The following KRTAP5-6 variants were observed in gnomAD, a reference collection of about 807,000 sequenced individuals.
The protein encoded by KRTAP5-6 is keratin-associated protein 5-6.
For synonymous variants in KRTAP5-6, 57 were observed against 61.7 expected (o/e 0.92, Z 0.36); for missense variants, 175 against 157.6 (o/e 1.11, Z -0.59).
At position 1,697,206 on chromosome 11, in the gene KRTAP5-6, C is replaced by A. The variant is rs1850697696; in HGVS notation, c.-40C>A. ...TCCATACCTGCACACCTCCCTCTCA[C>A]CTGCTCCTCTACCTGCTCCACCCTC... On this transcript the variant is annotated 5_prime_UTR_variant, in exon 1 of 1. Coordinates refer to ENST00000382160, the MANE Select transcript of KRTAP5-6 (RefSeq NM_001012416.1). 6.2e-7 allele frequency: 1 copy of A among 1,612,444 alleles called. No individual in the cohort carries two copies. The highest frequency in any genetic ancestry group is 1.1e-5 in the South Asian group (1 of 91,000).
Position 1,697,332 on chromosome 11 carries a change from T to C in KRTAP5-6, c.87T>C (p.Cys29=). 1 of 1,613,150 alleles carries C rather than the reference T, an allele frequency of 6.2e-7. No individual in the cohort carries two copies. The highest frequency in any genetic ancestry group is 8.5e-7 in the Non-Finnish European group (1 of 1,179,940). Residue 29 remains cysteine, a synonymous_variant, in exon 1 of 1, where the codon TGT becomes TGC. Transcript: ENST00000382160. ...SGCGGCGSSC[C]VPICCCKPVC... ...GTGGGGGCTGTGGGTCCAGCTGCTG[T>C]GTGCCCATCTGCTGCTGCAAGCCCG...
In KRTAP5-6 at chr11:1,697,467, G is replaced by A; in HGVS notation, c.222G>A (p.Gly74=). The change falls in exon 1 of 1, where the codon GGG becomes GGA. Residue 74 remains glycine (G), a synonymous_variant. Coordinates refer to ENST00000382160, the MANE Select transcript of KRTAP5-6 (RefSeq NM_001012416.1). ...CCAAAGGGGGCTGTGGCTCTTGTGGGGGCTCCAAGGGAGGCTGTGGCTCTT... is the reference window on the plus strand; with the variant it reads ...CCAAAGGGGGCTGTGGCTCTTGTGGAGGCTCCAAGGGAGGCTGTGGCTCTT... ...GGSKGGCGSC[G]GSKGGCGSCG... The A allele has an allele frequency of 6.2e-7, 1 of 1,613,204 alleles. No homozygotes were observed. The highest frequency in any genetic ancestry group is 8.5e-7 in the Non-Finnish European group (1 of 1,179,854).
In KRTAP5-6 at chr11:1,697,623, G is replaced by C; in HGVS notation, c.378G>C (p.Gln126His). 3.1e-6 allele frequency: 5 copies of C among 1,614,164 alleles called. No homozygotes were observed. Among genetic ancestry groups the C allele is most frequent in the Non-Finnish European group, 4.2e-6 (5 of 1,180,026 alleles). Residue 126 changes from glutamine (Q) to histidine (H), a missense_variant, in exon 1 of 1, where the codon CAG becomes CAC. Physicochemically the swap from Gln to His is conservative, Grantham distance 24. Transcript: ENST00000382160. ...QASCCVPICC[Q>H]CKI ...GCTGCTGTGTCCCCATTTGCTGCCA[G>C]TGCAAAATCTGAGGCTCTGACTTTG...
rs765467621 is a variant in KRTAP5-6 at position 1,697,667 on chromosome 11, C to T, written c.*32C>T. 1 of 1,613,466 alleles carries T rather than the reference C, an allele frequency of 6.2e-7. No individual in the cohort carries two copies. Among genetic ancestry groups the T allele is most frequent in the Admixed American group, 1.7e-5 (1 of 60,016 alleles). Reference sequence around the variant, plus strand: ...GACTTTGGACCTCAGGTGAGTCCAGCATATCCACACCACCCAAGAAGTGAC... The same window carrying T: ...GACTTTGGACCTCAGGTGAGTCCAGTATATCCACACCACCCAAGAAGTGAC... On this transcript the variant is annotated 3_prime_UTR_variant, in exon 1 of 1. Coordinates refer to ENST00000382160, the MANE Select transcript of KRTAP5-6 (RefSeq NM_001012416.1).
Position 1,697,484 on chromosome 11 carries a change from G to A in KRTAP5-6, c.239G>A (p.Cys80Tyr). The A allele has an allele frequency of 6.2e-7, 1 of 1,614,044 alleles. No homozygotes were observed. The highest frequency in any genetic ancestry group is 8.5e-7 in the Non-Finnish European group (1 of 1,180,032). ...CGSCGGSKGGCGSCGCSQCSC... is the reference protein window; with the variant it reads ...CGSCGGSKGGYGSCGCSQCSC... ...TCTTGTGGGGGCTCCAAGGGAGGCTGTGGCTCTTGTGGCTGCTCCCAGTGC... is the reference window on the plus strand; with the variant it reads ...TCTTGTGGGGGCTCCAAGGGAGGCTATGGCTCTTGTGGCTGCTCCCAGTGC... Residue 80 changes from cysteine (C) to tyrosine (Y), a missense_variant, in exon 1 of 1, where the codon TGT becomes TAT. By Grantham distance (194) the Cys-to-Tyr change is radical. Transcript: ENST00000382160.
At position 1,697,508 on chromosome 11, in the gene KRTAP5-6, G is replaced by T; in HGVS notation, c.263G>T (p.Cys88Phe). 1 of 1,614,028 alleles carries T rather than the reference G, an allele frequency of 6.2e-7. No individual in the cohort carries two copies. The highest frequency in any genetic ancestry group is 8.5e-7 in the Non-Finnish European group (1 of 1,180,008). ...TGTGGCTCTTGTGGCTGCTCCCAGT[G>T]CAGTTGCTGCAAGCCCTGCTACTGT... ...GGCGSCGCSQCSCCKPCYCSS... is the reference protein window; with the variant it reads ...GGCGSCGCSQFSCCKPCYCSS... The change falls in exon 1 of 1, where the codon TGC (cysteine) becomes TTC (phenylalanine). Residue 88 changes from cysteine to phenylalanine, a missense_variant. Coordinates refer to ENST00000382160, the MANE Select transcript of KRTAP5-6 (RefSeq NM_001012416.1).
chr11:1,697,507 T>A lies in KRTAP5-6; in HGVS notation c.262T>A (p.Cys88Ser), dbSNP rs1266199583. 3.1e-6 allele frequency: 5 copies of A among 1,613,968 alleles called. No individual in the cohort carries two copies. The South Asian group carries it at 3.3e-5, about 11-fold the overall frequency. Reference sequence around the variant, plus strand: ...CTGTGGCTCTTGTGGCTGCTCCCAGTGCAGTTGCTGCAAGCCCTGCTACTG... The same window carrying A: ...CTGTGGCTCTTGTGGCTGCTCCCAGAGCAGTTGCTGCAAGCCCTGCTACTG... ...GGCGSCGCSQ[C>S]SCCKPCYCSS... Residue 88 changes from cysteine to serine, a missense_variant, in exon 1 of 1, where the codon TGC becomes AGC. Cys to Ser is a moderately radical substitution (Grantham distance 112). Coordinates refer to ENST00000382160, the MANE Select transcript of KRTAP5-6 (RefSeq NM_001012416.1).
Position 1,697,604 on chromosome 11 carries a change from G to A in KRTAP5-6, c.359G>A (p.Cys120Tyr), listed in dbSNP as rs1167821306. The change falls in exon 1 of 1, where the codon TGT (cysteine) becomes TAT (tyrosine). Residue 120 changes from cysteine to tyrosine, a missense_variant. Coordinates refer to ENST00000382160, the MANE Select transcript of KRTAP5-6 (RefSeq NM_001012416.1). ...CCCTGCTGTTCCCAGGCCAGCTGCT[G>A]TGTCCCCATTTGCTGCCAGTGCAAA... is the stretch of plus-strand genomic sequence containing the variant. ...CKPCCSQASC[C>Y]VPICCQCKI 6.2e-7 allele frequency: 1 copy of A among 1,614,152 alleles called. No individual in the cohort carries two copies. Among genetic ancestry groups the A allele is most frequent in the South Asian group, 1.1e-5 (1 of 91,074 alleles).
At position 1,697,578 on chromosome 11, in the gene KRTAP5-6, G is replaced by A. The variant is rs758283177; in HGVS notation, c.333G>A (p.Lys111=). The A allele has an allele frequency of 2.5e-6, 4 of 1,614,042 alleles. No individual in the cohort carries two copies. The highest frequency in any genetic ancestry group is 3.4e-6 in the Non-Finnish European group (4 of 1,179,974). The change falls in exon 1 of 1, where the codon AAG becomes AAA. Residue 111 remains lysine, a synonymous_variant. Coordinates refer to ENST00000382160, the MANE Select transcript of KRTAP5-6 (RefSeq NM_001012416.1). ...CCTGCTGCCAGTCCAGCTGCTGCAAGCCCTGCTGTTCCCAGGCCAGCTGCT... is the reference window on the plus strand; with the variant it reads ...CCTGCTGCCAGTCCAGCTGCTGCAAACCCTGCTGTTCCCAGGCCAGCTGCT... ...GSSCCQSSCC[K]PCCSQASCCV... is the part of the protein sequence containing the mutation.
Position 1,697,217 on chromosome 11 carries a change from A to G in KRTAP5-6, c.-29A>G, listed in dbSNP as rs1394084754. On this transcript the variant is annotated 5_prime_UTR_variant, in exon 1 of 1. Transcript: ENST00000382160. ...ACACCTCCCTCTCACCTGCTCCTCT[A>G]CCTGCTCCACCCTCAATCCACCAGA... 3 of 1,612,576 alleles carry G rather than the reference A, an allele frequency of 1.9e-6. No individual in the cohort carries two copies. Among genetic ancestry groups the G allele is most frequent in the Admixed American group, 1.7e-5 (1 of 59,974 alleles).
At position 1,697,451 on chromosome 11, in the gene KRTAP5-6, G is replaced by T. The variant is rs144258167; in HGVS notation, c.206G>T (p.Gly69Val). Residue 69 changes from glycine (G) to valine (V), a missense_variant, in exon 1 of 1, where the codon GGC becomes GTC. Transcript: ENST00000382160. The part of the protein sequence containing the change: ...CCGSCGGSKG[G>V]CGSCGGSKGG... ...GGCTCTTGTGGGGGCTCCAAAGGGG[G>T]CTGTGGCTCTTGTGGGGGCTCCAAG... is the stretch of plus-strand genomic sequence containing the variant. 5.6e-5 allele frequency: 91 copies of T among 1,613,240 alleles called. No homozygotes were observed. Among genetic ancestry groups the T allele is most frequent in the Non-Finnish European group, 7.3e-5 (86 of 1,179,988 alleles).
rs757266125 is a variant in KRTAP5-6, at chr11:1,697,684, A to G, written c.*49A>G. 6.2e-7 allele frequency: 1 copy of G among 1,610,500 alleles called. No homozygotes were observed. ...GAGTCCAGCATATCCACACCACCCAAGAAGTGACCAGTGCTGCATTTCAGT... is the reference window on the plus strand; with the variant it reads ...GAGTCCAGCATATCCACACCACCCAGGAAGTGACCAGTGCTGCATTTCAGT... On this transcript the variant is annotated 3_prime_UTR_variant, in exon 1 of 1. Transcript: ENST00000382160.
Position 1,697,307 on chromosome 11 carries a change from G to A in KRTAP5-6, c.62G>A (p.Cys21Tyr). ...GSGCGGCGSG[C>Y]GGCGSSCCVP... The stretch of plus-strand genomic sequence containing the variant: ...GGCTGTGGGGGCTGTGGCTCTGGCT[G>A]TGGGGGCTGTGGGTCCAGCTGCTGT... The change falls in exon 1 of 1, where the codon TGT becomes TAT. Residue 21 changes from cysteine (C) to tyrosine (Y), a missense_variant. Transcript: ENST00000382160. 1.2e-6 allele frequency: 2 copies of A among 1,613,482 alleles called. No individual in the cohort carries two copies. Among genetic ancestry groups the A allele is most frequent in the Non-Finnish European group, 1.7e-6 (2 of 1,180,020 alleles).
In KRTAP5-6 at chr11:1,697,392, C is replaced by G. The variant is rs1483516612; in HGVS notation, c.147C>G (p.Ser49Arg). The G allele has an allele frequency of 6.2e-7, 1 of 1,612,744 alleles. No individual in the cohort carries two copies. The highest frequency in any genetic ancestry group is 1.7e-5 in the Admixed American group (1 of 59,954). ...CCCVPACSCTSCGSCGGSKGC... is the reference protein window; with the variant it reads ...CCCVPACSCTRCGSCGGSKGC... ...GTGTGCCAGCCTGTTCCTGCACCAGCTGTGGCTCTTGTGGGGGCTCCAAGG... is the reference window on the plus strand; with the variant it reads ...GTGTGCCAGCCTGTTCCTGCACCAGGTGTGGCTCTTGTGGGGGCTCCAAGG... Residue 49 changes from serine (S) to arginine (R), a missense_variant, in exon 1 of 1, where the codon AGC becomes AGG. Coordinates refer to ENST00000382160, the MANE Select transcript of KRTAP5-6 (RefSeq NM_001012416.1).
In KRTAP5-6 at chr11:1,697,364, G is replaced by A. The variant is rs992488639; in HGVS notation, c.119G>A (p.Cys40Tyr). Residue 40 changes from cysteine to tyrosine, a missense_variant, in exon 1 of 1, where the codon TGC (cysteine) becomes TAC (tyrosine). Cys to Tyr is a radical substitution (Grantham distance 194, BLOSUM62 -2). Coordinates refer to ENST00000382160, the MANE Select transcript of KRTAP5-6 (RefSeq NM_001012416.1). Reference sequence around the variant, plus strand: ...ATCTGCTGCTGCAAGCCCGTGTGCTGCTGTGTGCCAGCCTGTTCCTGCACC... The same window carrying A: ...ATCTGCTGCTGCAAGCCCGTGTGCTACTGTGTGCCAGCCTGTTCCTGCACC... ...VPICCCKPVC[C>Y]CVPACSCTSC... 1 of 1,612,852 alleles carries A rather than the reference G, an allele frequency of 6.2e-7. No homozygotes were observed. The highest frequency in any genetic ancestry group is 8.5e-7 in the Non-Finnish European group (1 of 1,179,924).
In KRTAP5-6 at chr11:1,697,666, G is replaced by A; in HGVS notation, c.*31G>A. 6.2e-7 allele frequency: 1 copy of A among 1,613,632 alleles called. No homozygotes were observed. On this transcript the variant is annotated 3_prime_UTR_variant, in exon 1 of 1. Coordinates refer to ENST00000382160, the MANE Select transcript of KRTAP5-6 (RefSeq NM_001012416.1). ...TGACTTTGGACCTCAGGTGAGTCCA[G>A]CATATCCACACCACCCAAGAAGTGA... is the stretch of plus-strand genomic sequence containing the variant.
rs776394976 is a variant in KRTAP5-6, at chr11:1,697,457, G to C, written c.212G>C (p.Gly71Ala). The C allele has an allele frequency of 1.9e-6, 3 of 1,613,362 alleles. No individual in the cohort carries two copies. Among genetic ancestry groups the C allele is most frequent in the Non-Finnish European group, 2.5e-6 (3 of 1,179,946 alleles). ...GSCGGSKGGC[G>A]SCGGSKGGCG... ...TGTGGGGGCTCCAAAGGGGGCTGTG[G>C]CTCTTGTGGGGGCTCCAAGGGAGGC... Residue 71 changes from glycine (G) to alanine (A), a missense_variant, in exon 1 of 1, where the codon GGC becomes GCC. By Grantham distance (60) the Gly-to-Ala change is moderately conservative. Transcript: ENST00000382160.
In KRTAP5-6 at chr11:1,697,307, G is replaced by T. The variant is rs1189016098; in HGVS notation, c.62G>T (p.Cys21Phe). 1.2e-6 allele frequency: 2 copies of T among 1,613,364 alleles called. No individual in the cohort carries two copies. Among genetic ancestry groups the T allele is most frequent in the African/African-American group, 2.7e-5 (2 of 74,890 alleles). Residue 21 changes from cysteine (C) to phenylalanine (F), a missense_variant, in exon 1 of 1, where the codon TGT becomes TTT. Coordinates refer to ENST00000382160, the MANE Select transcript of KRTAP5-6 (RefSeq NM_001012416.1). ...GSGCGGCGSG[C>F]GGCGSSCCVP... ...GGCTGTGGGGGCTGTGGCTCTGGCT[G>T]TGGGGGCTGTGGGTCCAGCTGCTGT...
chr11:1,697,219 C>G lies in KRTAP5-6; in HGVS notation c.-27C>G. The G allele has an allele frequency of 1.2e-6, 2 of 1,612,812 alleles. No homozygotes were observed. Among genetic ancestry groups the G allele is most frequent in the African/African-American group, 1.3e-5 (1 of 74,988 alleles). ...ACCTCCCTCTCACCTGCTCCTCTAC[C>G]TGCTCCACCCTCAATCCACCAGAAC... On this transcript the variant is annotated 5_prime_UTR_variant, in exon 1 of 1. Transcript: ENST00000382160.
Sources: gnomAD v4.1 joint callset for allele counts on GRCh38, gnomAD v4.1.1 for gene constraint, MANE v1.5 for transcripts, NCBI Gene and HGNC (gene_info 2026-07-23, HGNC 2026-07-21) for gene names.